ITGB8: variants seen among roughly 807,000 people sequenced by gnomAD.
ITGB8 encodes the protein integrin beta-8.
A neutral mutation model predicts 89.5 loss-of-function variants in ITGB8; 30 were observed. The ratio of observed to expected loss-of-function variants is 0.34; its 90% CI spans 0.25 to 0.45. The LOEUF (loss-of-function observed/expected upper bound fraction) is 0.45, where lower values mean the gene tolerates loss of function less well. Among genes scored for constraint, ITGB8 ranks in the 20% least tolerant of loss-of-function variants. The probability of loss-of-function intolerance (pLI) is 1.00; values close to 1 mark genes in which losing one functional copy is unlikely to be tolerated. For synonymous variants in ITGB8, 335 were observed against 320.4 expected (o/e 1.05, Z -0.49); for missense variants, 836 against 933.3 (o/e 0.90, Z 1.36).
rs1475166778 is a variant in ITGB8 at position 20,415,097 on chromosome 7, T to G, written c.*5100T>G. The G allele has an allele frequency of 6.6e-6, 1 of 152,560 alleles. No homozygotes were observed. Among genetic ancestry groups the G allele is most frequent in the African/African-American group, 2.4e-5 (1 of 41,464 alleles). The allele number at this position is 152,560 out of a possible 1,614,324, so 9.5% of individuals were successfully genotyped here. On this transcript the variant is annotated 3_prime_UTR_variant, in exon 14 of 14. Coordinates refer to ENST00000222573, the MANE Select transcript of ITGB8 (RefSeq NM_002214.3). The stretch of plus-strand genomic sequence containing the variant: ...ATAAATGTGAAATTTTGATAAGAAG[T>G]CTACGCAATGACAAGTATGGTACAT...
At chr7:20,342,376 T>G (rs183119150) in intron 1 of ITGB8, among the ~76,000 whole-genome samples, 189 of 152,350 alleles carry the variant, frequency 1.2e-3, no homozygotes, top group Non-Finnish European at 1.7e-3. Context: ...GTGGCACTTT[T>G]ACACATGAAT....
At chr7:20,380,345 A>G (rs1421964416) in intron 4 of ITGB8, 2 of 213,240 alleles carry the variant, frequency 9.4e-6, no homozygotes, top group African/African-American at 4.7e-5. Flanking sequence ...AAATCACTGC[A>G]CATTCTTATA....
At chr7:20,353,245 T>A (rs1056669880) in intron 1 of ITGB8, 1 of 152,246 alleles carries the variant, frequency 6.6e-6, no homozygotes, top group Admixed American at 6.5e-5. Flanking sequence ...AAAATCTTTA[T>A]GCTAGCGTAA....
Position 20,395,031 on chromosome 7 carries a change from A to T in ITGB8, c.1146+46A>T. The T allele has an allele frequency of 6.2e-6, 7 of 1,135,658 alleles. 1 individual carries two copies. The allele number at this position is 1,135,658 out of a possible 1,614,324, so 70.3% of individuals were successfully genotyped here. On this transcript the variant is annotated intron_variant, in intron 8 of 13. Transcript: ENST00000222573. ...ATTTTTTAAATAAAATTTTTACCTC[A>T]ATTTCTGTGACAAGGTACAAAGTAG...
At chr7:20,366,628 G>A in intron 2 of ITGB8, 1 of 180,866 alleles carries the variant, frequency 5.5e-6, no homozygotes, top group Non-Finnish European at 1.1e-5. Flanking sequence ...AGCTGGGCGT[G>A]GTGGTGTGTG....
At chr7:20,404,952 AC>A in intron 11 of ITGB8, 99 bp downstream of exon 11, 1 of 971,336 alleles carries the variant, frequency 1.0e-6, no homozygotes, top group Non-Finnish European at 1.6e-6. Context: ...ATACATTGTG[AC>A]CACCATGCTA....
At chr7:20,361,362 T>TA (rs1205971156) in intron 1 of ITGB8, among the ~76,000 whole-genome samples, 2 of 152,202 alleles carry the variant, frequency 1.3e-5, no homozygotes, top group Non-Finnish European at 2.9e-5. Flanking sequence ...TAAAACAAAA[T>TA]ATCTGTGACT....
At chr7:20,339,045 A>T (rs1408213013) in intron 1 of ITGB8, among the ~76,000 whole-genome samples, 9 of 152,104 alleles carry the variant, frequency 5.9e-5, no homozygotes, top group African/African-American at 2.2e-4. Context: ...TACAAAAATT[A>T]GCTGGATGTG....
At chr7:20,367,746 G>T (rs1047684417) in intron 3 of ITGB8, among the ~76,000 whole-genome samples, 7 of 152,150 alleles carry the variant, frequency 4.6e-5, no homozygotes, top group African/African-American at 1.7e-4. Context: ...GGGCAGTTTT[G>T]TGATGGCCCC....
intron 1 of ITGB8, among the ~76,000 whole-genome samples, chr7:20,344,016 C>A (rs1784844767): frequency 6.6e-6 from 1 of 152,116 alleles, no homozygotes; most frequent in Admixed American, 6.5e-5. Context: ...TAAATGAATT[C>A]ATTGCTTGAG....
chr7:20,351,618 G>C (rs1259402477), intron 1 of ITGB8, among the ~76,000 whole-genome samples: 1 of 152,072 alleles, frequency 6.6e-6, no homozygotes, highest in Non-Finnish European at 1.5e-5. Flanking sequence ...ATATATTTTT[G>C]AATTTTGAAA....
Position 20,401,391 on chromosome 7 carries a change from T to C in ITGB8, c.1282-330T>C, listed in dbSNP as rs541086884. 9.7e-4 allele frequency among the ~76,000 whole-genome samples: 148 copies of C among 152,312 alleles called. 3 individuals are homozygous for C. In the South Asian group the frequency reaches 0.03, roughly 31 times the overall value. Reference sequence around the variant, plus strand: ...CATTTTAATGGCTGAGTTTAGAAAATGGCCTATTCTTTCTCATGTTTGCTA... The same window carrying C: ...CATTTTAATGGCTGAGTTTAGAAAACGGCCTATTCTTTCTCATGTTTGCTA... On this transcript the variant is annotated intron_variant, in intron 9 of 13. Coordinates refer to ENST00000222573, the MANE Select transcript of ITGB8 (RefSeq NM_002214.3).
chr7:20,408,555 C>T (rs562249644), intron 12 of ITGB8, among the ~76,000 whole-genome samples: 35 of 152,228 alleles, frequency 2.3e-4, no homozygotes, highest in Admixed American at 1.8e-3. Context: ...AGGTCACCTC[C>T]GTAGTGGCCC....
intron 7 of ITGB8, among the ~76,000 whole-genome samples, chr7:20,392,741 C>T (rs1786915392): frequency 6.6e-6 from 1 of 152,226 alleles, no homozygotes; most frequent in Admixed American, 6.5e-5. Context: ...CATTATTTAG[C>T]TCCCACTTAT....
chr7:20,354,973 G>C (rs998378551), intron 1 of ITGB8, among the ~76,000 whole-genome samples: 1 of 152,200 alleles, frequency 6.6e-6, no homozygotes, highest in Admixed American at 6.5e-5. Context: ...CTCTGGGGGA[G>C]ATTATTGTAT....
intron 1 of ITGB8, among the ~76,000 whole-genome samples, chr7:20,345,859 G>C (rs951349992): frequency 1.3e-5 from 2 of 152,108 alleles, no homozygotes; most frequent in South Asian, 4.2e-4. Flanking sequence ...TAGAGGAGAA[G>C]AGAATAAGGA....
chr7:20,336,414 C>T (rs766953790), intron 1 of ITGB8, among the ~76,000 whole-genome samples: 48 of 152,194 alleles, frequency 3.2e-4, no homozygotes, highest in African/African-American at 1.1e-3. Flanking sequence ...CTCCACTACA[C>T]GCCTAAAGGC....
intron 1 of ITGB8, among the ~76,000 whole-genome samples, chr7:20,337,228 A>C (rs987030526): frequency 4.9e-4 from 75 of 152,374 alleles, no homozygotes; most frequent in African/African-American, 1.6e-3. Context: ...ACAATTTTAC[A>C]AAATTGTAAT....
At chr7:20,398,482 T>G (rs1583535697) in intron 8 of ITGB8, among the ~76,000 whole-genome samples, 1 of 152,332 alleles carries the variant, frequency 6.6e-6, no homozygotes, top group East Asian at 1.9e-4. Context: ...GTGTCAAGAT[T>G]TACCCTTTGT....
Sources: gnomAD v4.1 joint callset for allele counts (sites outside exome capture counted in the v4.1 genomes callset) on GRCh38, gnomAD v4.1.1 for gene constraint, MANE v1.5 for transcripts, NCBI Gene and HGNC (gene_info 2026-07-23, HGNC 2026-07-21) for gene names.